TTF2: variants seen among roughly 807,000 people sequenced by gnomAD.
TTF2 encodes the protein RNA polymerase II termination factor.
TTF2 carries 108 observed loss-of-function variants against 142.4 expected under a neutral mutation model. The observed-to-expected ratio is 0.76, with a 90% CI of 0.65 to 0.89. The LOEUF (loss-of-function observed/expected upper bound fraction) is 0.89, where lower values mean the gene tolerates loss of function less well. Among genes scored for constraint, TTF2 ranks in the 40% least tolerant of loss-of-function variants. The pLI is 0.00. For synonymous variants in TTF2, 483 were observed against 506.2 expected (o/e 0.95, Z 0.61); for missense variants, 1,327 against 1,379.8 (o/e 0.96, Z 0.61).
Position 117,096,210 on chromosome 1 carries a change from G to C in TTF2, c.3097G>C (p.Gly1033Arg). The C allele has an allele frequency of 6.2e-7, 1 of 1,614,088 alleles. No individual in the cohort carries two copies. Among genetic ancestry groups the C allele is most frequent in the Non-Finnish European group, 8.5e-7 (1 of 1,180,022 alleles). ...TGTAGCATTGCACCTGAAGAAGCAT[G>C]GACTGACTTATGCCACCATCGATGG... ...KVVALHLKKH[G>R]LTYATIDGSV... Residue 1033 changes from glycine (G) to arginine (R), a missense_variant, in exon 20 of 23, where the codon GGA (glycine) becomes CGA (arginine). Coordinates refer to ENST00000369466, the MANE Select transcript of TTF2 (RefSeq NM_003594.4).
At chr1:117,077,098 A>G (rs1657074425) in intron 7 of TTF2, among the ~76,000 whole-genome samples, 1 of 152,042 alleles carries the variant, frequency 6.6e-6, no homozygotes. Flanking sequence ...TAAAATAGGT[A>G]TGTACGTATG....
chr1:117,069,596 C>T (rs369347223), intron 3 of TTF2, among the ~76,000 whole-genome samples: 6 of 152,236 alleles, frequency 3.9e-5, no homozygotes, highest in Middle Eastern at 3.4e-3. Context: ...TCATCATGAC[C>T]GTATGAGGTA....
At position 117,079,496 on chromosome 1, in the gene TTF2, T is replaced by C; in HGVS notation, c.1702-72T>C. ...TTGTAGAAAATAGGAGAGTGTAGAGTTCGTGTAGCCAGGCTCGGCATAGCC... is the reference window on the plus strand; with the variant it reads ...TTGTAGAAAATAGGAGAGTGTAGAGCTCGTGTAGCCAGGCTCGGCATAGCC... On this transcript the variant is annotated intron_variant, in intron 8 of 22. Coordinates refer to ENST00000369466, the MANE Select transcript of TTF2 (RefSeq NM_003594.4). This position sits in a 1 kb window ranked among gnomAD's most constrained non-coding sequence, Gnocchi z 4.2. 7.1e-7 allele frequency: 1 copy of C among 1,400,152 alleles called. No individual in the cohort carries two copies. The highest frequency in any genetic ancestry group is 1.2e-5 in the South Asian group (1 of 86,110). 86.7% of individuals were successfully genotyped at this position (1,400,152 alleles called of 1,614,324 possible).
chr1:117,090,749 CCTTT>C lies in TTF2; in HGVS notation c.2588+127_2588+130del, dbSNP rs1648500354. The C allele has an allele frequency of 1.5e-5, 12 of 803,770 alleles. No homozygotes were observed. The South Asian group carries it at 2.2e-4, about 14-fold the overall frequency. The allele number at this position is 803,770 out of a possible 1,614,324, so 49.8% of individuals were successfully genotyped here. On this transcript the variant is annotated intron_variant, in intron 15 of 22. Coordinates refer to ENST00000369466, the MANE Select transcript of TTF2 (RefSeq NM_003594.4). This position sits in a 1 kb window ranked among gnomAD's most constrained non-coding sequence, Gnocchi z 4.8. Reference sequence around the variant, plus strand: ...ATTGATTAGTTGGATGTCTGTATTCCCTTTTTTTTTTTACCCCATTTTTCTCCTT... The same window carrying C: ...ATTGATTAGTTGGATGTCTGTATTCCTTTTTTTTACCCCATTTTTCTCCTT...
rs1656979203 is a variant in TTF2, at chr1:117,075,991, C to T, written c.1275+132C>T. 1 of 1,383,590 alleles carries T rather than the reference C, an allele frequency of 7.2e-7. No homozygotes were observed. Among genetic ancestry groups the T allele is most frequent in the East Asian group, 2.3e-5 (1 of 42,560 alleles). The allele number at this position is 1,383,590 out of a possible 1,614,324, so 85.7% of individuals were successfully genotyped here. A position where few individuals can be genotyped will look rare whatever the true frequency, so the allele number is the denominator to read the frequency against. ...TTATAGGTGCATGTTCAGTTTCTGC[C>T]TTTTCCCCTATTTATATTTTCAAGA... On this transcript the variant is annotated intron_variant, in intron 5 of 22. Coordinates refer to ENST00000369466, the MANE Select transcript of TTF2 (RefSeq NM_003594.4). The surrounding 1 kb of genome is among the most constrained non-coding windows in gnomAD (Gnocchi z 4.5).
chr1:117,082,852 T>TATAAAG (rs1200163928), intron 10 of TTF2, among the ~76,000 whole-genome samples: 1 of 152,070 alleles, frequency 6.6e-6, no homozygotes, highest in Non-Finnish European at 1.5e-5. Flanking sequence ...AAGTAATAAC[T>TATAAAG]TTATAAGTAC....
Position 117,075,289 on chromosome 1 carries a change from TTC to T in TTF2, c.708_709del (p.Gln237GlyfsTer6). 1 of 1,614,238 alleles carries T rather than the reference TTC, an allele frequency of 6.2e-7. No homozygotes were observed. The highest frequency in any genetic ancestry group is 8.5e-7 in the Non-Finnish European group (1 of 1,180,042). ...GNELTRPSASSQEKSSGKSQD... is the reference protein window; with the variant it reads ...GNELTRPSASXQEKSSGKSQD... ...ATGAGCTTACAAGACCATCTGCATC[TTC>T]TCAGGAGAAATCAAGTGGTAAGAGT... On this transcript the variant is annotated frameshift_variant, in exon 5 of 23. Coordinates refer to ENST00000369466, the MANE Select transcript of TTF2 (RefSeq NM_003594.4). LOFTEE classifies it high-confidence loss of function. The surrounding 1 kb of genome is among the most constrained non-coding windows in gnomAD (Gnocchi z 4.5).
intron 4 of TTF2, 118 bp from the exon 5 acceptor site, chr1:117,074,752 A>G: frequency 2.0e-6 from 2 of 975,734 alleles, no homozygotes; most frequent in Non-Finnish European, 2.9e-6. Flanking sequence ...TACTCATATA[A>G]CAAAGCTGCA....
Position 117,090,708 on chromosome 1 carries a change from C to A in TTF2, c.2588+85C>A. On this transcript the variant is annotated intron_variant, in intron 15 of 22. Transcript: ENST00000369466. The surrounding 1 kb of genome is among the most constrained non-coding windows in gnomAD (Gnocchi z 4.8). ...GAGTGAGTTGAAGGTCAAATTTCCACAAACTTTATGGCATTATTGATTAGT... is the reference window on the plus strand; with the variant it reads ...GAGTGAGTTGAAGGTCAAATTTCCAAAAACTTTATGGCATTATTGATTAGT... The A allele has an allele frequency of 2.6e-6, 3 of 1,143,988 alleles. No homozygotes were observed. The highest frequency in any genetic ancestry group is 1.6e-5 in the African/African-American group (1 of 63,876). The allele number at this position is 1,143,988 out of a possible 1,614,324, so 70.9% of individuals were successfully genotyped here.
chr1:117,068,324 C>T (rs369794817), intron 3 of TTF2, among the ~76,000 whole-genome samples: 3 of 152,080 alleles, frequency 2.0e-5, no homozygotes, highest in South Asian at 2.1e-4. Flanking sequence ...TGTTCTTACT[C>T]ATAGGTGGGA....
At chr1:117,098,743 A>G in intron 21 of TTF2, 90 bp from the exon 22 acceptor site, 1 of 1,079,940 alleles carries the variant, frequency 9.3e-7, no homozygotes, top group East Asian at 2.6e-5. Context: ...TACAAAAACA[A>G]GCTGTGGGCT....
chr1:117,091,187 T>G (rs1648543699), intron 15 of TTF2, 141 bp from the exon 16 acceptor site: 1 of 542,538 alleles, frequency 1.8e-6, no homozygotes, highest in African/African-American at 1.9e-5. Flanking sequence ...TTCTTTTGCA[T>G]TACCTTTGGC....
In TTF2 at chr1:117,070,517, T is replaced by C. The variant is rs758159805; in HGVS notation, c.219-3144T>C. On this transcript the variant is annotated intron_variant, in intron 3 of 22. Coordinates refer to ENST00000369466, the MANE Select transcript of TTF2 (RefSeq NM_003594.4). This position sits in a 1 kb window ranked among gnomAD's most constrained non-coding sequence, Gnocchi z 4.2. ...TCCACTGTTGACTGAAACATCATCA[T>C]GCAGCACGGGACTGTACTTATGAAA... 9.9e-5 allele frequency among the ~76,000 whole-genome samples: 15 copies of C among 152,220 alleles called. No homozygotes were observed. The highest frequency in any genetic ancestry group is 1.6e-4 in the Non-Finnish European group (11 of 68,042).
chr1:117,098,563 A>G, intron 21 of TTF2: 1 of 296,872 alleles, frequency 3.4e-6, no homozygotes. Context: ...GCAAGAAGGT[A>G]TCTGGCACCA....
intron 17 of TTF2, 24 bp downstream of exon 17, chr1:117,091,974 G>C (rs781689009): frequency 1.2e-6 from 2 of 1,600,320 alleles, no homozygotes; most frequent in Non-Finnish European, 1.7e-6. Context: ...TCAGCCTGCT[G>C]TCATATAGTG....
At chr1:117,074,765 T>G (rs530956276) in intron 4 of TTF2, 105 bp from the exon 5 acceptor site, 1 of 1,088,780 alleles carries the variant, frequency 9.2e-7, no homozygotes, top group East Asian at 2.6e-5. Context: ...AAGCTGCATA[T>G]GTACCCCCTG....
At chr1:117,065,910 T>C (rs1299819792) in intron 3 of TTF2, among the ~76,000 whole-genome samples, 2 of 151,010 alleles carry the variant, frequency 1.3e-5, no homozygotes, top group African/African-American at 4.9e-5. Context: ...AGAAGAACTA[T>C]GGAGGACAGA....
rs773897779 is a variant in TTF2, at chr1:117,076,744, T to C, written c.1494T>C (p.Arg498=). The C allele has an allele frequency of 3.7e-6, 6 of 1,614,196 alleles. No individual in the cohort carries two copies. The highest frequency in any genetic ancestry group is 1.1e-5 in the South Asian group (1 of 91,084). The change falls in exon 7 of 23, where the codon CGT becomes CGC. Residue 498 remains arginine (R), a synonymous_variant. Coordinates refer to ENST00000369466, the MANE Select transcript of TTF2 (RefSeq NM_003594.4). This position sits in a 1 kb window ranked among gnomAD's most constrained non-coding sequence, Gnocchi z 4.6. ...TGCCTCCCCAACCCCTTCCTCGTCG[T>C]GGTACCCAACCTGTGGGTTCTCTAG... The part of the protein sequence containing the change: ...HLVPPQPLPR[R]GTQPVGSLEL...
chr1:117,082,244 C>A (rs1371723768), intron 10 of TTF2, among the ~76,000 whole-genome samples: 1 of 152,230 alleles, frequency 6.6e-6, no homozygotes, highest in East Asian at 1.9e-4. Context: ...GACAGGGTCT[C>A]GCTCTGTTGC....
Sources: gnomAD v4.1 joint callset for allele counts (sites outside exome capture counted in the v4.1 genomes callset) on GRCh38, gnomAD v4.1.1 for gene constraint, Gnocchi (gnomAD v3.1) non-coding constraint, MANE v1.5 for transcripts, NCBI Gene and HGNC (gene_info 2026-07-23, HGNC 2026-07-21) for gene names.